Variants in NLGN1 observed in about 807,000 individuals in gnomAD.
NLGN1 encodes the protein neuroligin 1, also known as neuroligin-1.
A neutral mutation model predicts 65.5 loss-of-function variants in NLGN1; 12 were observed. The observed-to-expected ratio is 0.18, with a 90% CI of 0.12 to 0.30. NLGN1 has a LOEUF of 0.30. NLGN1 is among the 10% of genes least tolerant of loss of function. The pLI, the probability that NLGN1 is intolerant of heterozygous loss-of-function variation, is 1.00. For synonymous variants in NLGN1, 350 were observed against 359.5 expected (o/e 0.97, Z 0.30); for missense variants, 750 against 1,007.1 (o/e 0.74, Z 3.46).
intron 3 of NLGN1, among the ~76,000 whole-genome samples, chr3:173,783,015 T>C (rs112552005): frequency 1.2e-4 from 14 of 115,174 alleles, no homozygotes; most frequent in Non-Finnish European, 2.5e-4. Context: ...GGAATAAATA[T>C]ATATGTATAA....
Position 173,421,479 on chromosome 3 carries a change from A to T in NLGN1, c.-389-13531A>T, listed in dbSNP as rs573569483. ...CTCAGGTATTCCAACAAAGTCCATT[A>T]TAGAAAAAGGATCAATTTTATAATA... is the stretch of plus-strand genomic sequence containing the variant. On this transcript the variant is annotated intron_variant, in intron 1 of 6. Coordinates refer to ENST00000457714, the Ensembl canonical transcript of NLGN1. 1.6e-3 allele frequency among the ~76,000 whole-genome samples: 248 copies of T among 151,608 alleles called. 1 individual carries two copies. The highest frequency in any genetic ancestry group is 3.0e-3 in the Non-Finnish European group (204 of 67,886).
chr3:173,539,730 A>G (rs1402026547), intron 2 of NLGN1, among the ~76,000 whole-genome samples: 1 of 140,194 alleles, frequency 7.1e-6, no homozygotes, highest in Non-Finnish European at 1.5e-5. Context: ...ATATGCACAT[A>G]TATACATATA....
At chr3:174,153,686 A>C (rs1724831520) in intron 4 of NLGN1, among the ~76,000 whole-genome samples, 1 of 152,084 alleles carries the variant, frequency 6.6e-6, no homozygotes, top group Non-Finnish European at 1.5e-5. Flanking sequence ...TCAGCTACAT[A>C]TTGAGCTCTG....
intron 4 of NLGN1, among the ~76,000 whole-genome samples, chr3:174,272,660 TGGATGGA>T (rs1749637326): frequency 8.0e-6 from 1 of 125,132 alleles, no homozygotes; most frequent in Non-Finnish European, 1.9e-5. Flanking sequence ...GATGGATGGA[TGGATGGA>T]TAGATAGATA....
At chr3:173,983,615 G>A (rs1719239569) in intron 4 of NLGN1, among the ~76,000 whole-genome samples, 1 of 152,050 alleles carries the variant, frequency 6.6e-6, no homozygotes, top group African/African-American at 2.4e-5. Context: ...CCAGCCTCTT[G>A]TAGTCTCTGA....
intron 2 of NLGN1, among the ~76,000 whole-genome samples, chr3:173,450,227 T>C (rs991932554): frequency 2.6e-5 from 4 of 152,300 alleles, no homozygotes; most frequent in African/African-American, 9.6e-5. Context: ...TGTTTAGTGC[T>C]TCCTTCAGGA....
chr3:173,873,666 C>G (rs1321140871), intron 4 of NLGN1, among the ~76,000 whole-genome samples: 2 of 152,068 alleles, frequency 1.3e-5, no homozygotes, highest in Non-Finnish European at 2.9e-5. Context: ...GTCTTTCAAT[C>G]AAGTTAGAAT....
rs150984290 is a variant in NLGN1 at position 173,600,592 on chromosome 3, C to CTTTTTTTTTTTTTTTTTTT, written c.-320-3678_-320-3677insTTTTTTTTTTTTTTTTTTT. On this transcript the variant is annotated intron_variant, in intron 2 of 6. Coordinates refer to ENST00000457714, the Ensembl canonical transcript of NLGN1. Reference sequence around the variant, plus strand: ...AAGCAAGGTAGAAATAAAAACATATCTTTTTTTTTAGAAAAAGATATGTAA... The same window carrying CTTTTTTTTTTTTTTTTTTT: ...AAGCAAGGTAGAAATAAAAACATATCTTTTTTTTTTTTTTTTTTTTTTTTTTTTAGAAAAAGATATGTAA... Among the ~76,000 whole-genome samples, 255 of 103,486 alleles carry CTTTTTTTTTTTTTTTTTTT rather than the reference C, an allele frequency of 2.5e-3. 68 individuals carry two copies. Among genetic ancestry groups the CTTTTTTTTTTTTTTTTTTT allele is most frequent in the South Asian group, 4.5e-3 (12 of 2,642 alleles). The allele number at this position is 103,486 out of a possible 152,430, so 67.9% of individuals were successfully genotyped here. A position where few individuals can be genotyped will look rare whatever the true frequency, so the allele number is the denominator to read the frequency against.
intron 2 of NLGN1, among the ~76,000 whole-genome samples, chr3:173,531,974 G>T (rs1204428675): frequency 1.3e-5 from 2 of 152,062 alleles, no homozygotes. Flanking sequence ...TTATAGAAGT[G>T]CATTTCAACT....
chr3:174,272,771 G>C (rs1471170320), intron 4 of NLGN1, among the ~76,000 whole-genome samples: 3 of 151,576 alleles, frequency 2.0e-5, no homozygotes, highest in Non-Finnish European at 3.0e-5. Flanking sequence ...CTAGAATCAG[G>C]AGTAAGAGAA....
At chr3:174,232,881 T>G (rs1466647442) in intron 4 of NLGN1, among the ~76,000 whole-genome samples, 1 of 152,188 alleles carries the variant, frequency 6.6e-6, no homozygotes, top group Non-Finnish European at 1.5e-5. Context: ...TTAATGGAGA[T>G]TCTCTACAAA....
At position 173,890,203 on chromosome 3, in the gene NLGN1, G is replaced by A. The variant is rs1480708155; in HGVS notation, c.646+82371G>A. Among the ~76,000 whole-genome samples the A allele has an allele frequency of 2.6e-5, 4 of 152,042 alleles. No homozygotes were observed. In the South Asian group the frequency reaches 8.3e-4, roughly 31 times the overall value. The stretch of plus-strand genomic sequence containing the variant: ...AGGAAATTCCCTTATAAAAGTGAAG[G>A]TATTACCATTAACACAGAGAACTCT... On this transcript the variant is annotated intron_variant, in intron 4 of 6. Coordinates refer to ENST00000457714, the Ensembl canonical transcript of NLGN1.
chr3:174,293,272 C>T, the NLGN1 span, among the ~76,000 whole-genome samples: 2 of 151,250 alleles, frequency 1.3e-5, no homozygotes, highest in African/African-American at 4.8e-5. Flanking sequence ...TGTTTTTTAC[C>T]TGAGCCTTTT....
intron 1 of NLGN1, among the ~76,000 whole-genome samples, chr3:173,432,853 G>A (rs1056498798): frequency 2.0e-5 from 3 of 151,930 alleles, no homozygotes; most frequent in African/African-American, 7.3e-5. Context: ...CCTTTTAGAG[G>A]ATAATGATAT....
intron 4 of NLGN1, among the ~76,000 whole-genome samples, chr3:174,266,552 A>T (rs897209022): frequency 1.3e-5 from 2 of 152,200 alleles, no homozygotes; most frequent in Non-Finnish European, 2.9e-5. Flanking sequence ...AAAACTATTT[A>T]TATTCCTTTG....
intron 4 of NLGN1, among the ~76,000 whole-genome samples, chr3:173,940,027 C>T (rs1322325697): frequency 6.7e-6 from 1 of 148,560 alleles, no homozygotes; most frequent in Admixed American, 6.7e-5. Flanking sequence ...AAACTAAAAC[C>T]TTGAATGAAA....
At chr3:174,230,478 A>G (rs1170970966) in intron 4 of NLGN1, among the ~76,000 whole-genome samples, 5 of 152,222 alleles carry the variant, frequency 3.3e-5, no homozygotes, top group Non-Finnish European at 5.9e-5. Context: ...AAAAAGTTGT[A>G]ATATTTACCT....
chr3:173,447,932 A>T (rs991328790), intron 2 of NLGN1, among the ~76,000 whole-genome samples: 1 of 152,188 alleles, frequency 6.6e-6, no homozygotes, highest in African/African-American at 2.4e-5. Context: ...GACTTTGCTG[A>T]AGTTGCTTAT....
At chr3:173,581,972 A>G (rs775412955) in intron 2 of NLGN1, among the ~76,000 whole-genome samples, 12 of 152,030 alleles carry the variant, frequency 7.9e-5, no homozygotes, top group Non-Finnish European at 1.3e-4. Context: ...TCCCCACAGT[A>G]ACCTCTACCC....
Sources: allele counts gnomAD v4.1 joint callset (sites outside exome capture counted in the v4.1 genomes callset), GRCh38; gene constraint gnomAD v4.1.1; transcripts MANE v1.5; gene names NCBI Gene and HGNC (gene_info 2026-07-23, HGNC 2026-07-21).